SDHD: variants seen among roughly 807,000 people sequenced by gnomAD.
The protein encoded by SDHD is succinate dehydrogenase [ubiquinone] cytochrome b small subunit, mitochondrial.
Under a neutral mutation model 18.7 loss-of-function variants are expected in SDHD, and 6 were observed. The ratio of observed to expected loss-of-function variants is 0.32; its 90% CI spans 0.18 to 0.63. The LOEUF (loss-of-function observed/expected upper bound fraction) is 0.63, where lower values mean the gene tolerates loss of function less well. SDHD is among the 30% of genes least tolerant of loss of function. SDHD has a pLI of 0.79. For missense variants in SDHD, 160 were observed against 192.7 expected (o/e 0.83, Z 1.00); for synonymous variants, 56 against 73.9 (o/e 0.76, Z 1.24).
chr11:112,092,832 A>G (rs1177210951), intron 3 of SDHD, among the ~76,000 whole-genome samples: 1 of 152,172 alleles, frequency 6.6e-6, no homozygotes, highest in Non-Finnish European at 1.5e-5. Flanking sequence ...TCATAGCAGC[A>G]TTATTTATAA....
intron 2 of SDHD, chr11:112,088,376 T>G: frequency 2.9e-6 from 1 of 341,764 alleles, no homozygotes; most frequent in Non-Finnish European, 5.7e-6. Flanking sequence ...AGTTTTGTAC[T>G]TTTAGTAGAG....
Position 112,094,773 on chromosome 11 carries a change from T to C in SDHD, c.315-32T>C, listed in dbSNP as rs4151637. The C allele has an allele frequency of 0.028, 44,068 of 1,598,104 alleles. 5,014 individuals are homozygous for C. In the African/African-American group the frequency reaches 0.35, roughly 13 times the overall value. ...GTCTTCTAATTTCACTGTGGTTTTT[T>C]ATTGATGTTATGATTTTTTCTTTTT... is the stretch of plus-strand genomic sequence containing the variant. On this transcript the variant is annotated intron_variant, in intron 3 of 3. Coordinates refer to ENST00000375549, the MANE Select transcript of SDHD (RefSeq NM_003002.4).
intron 3 of SDHD, among the ~76,000 whole-genome samples, chr11:112,092,382 G>A (rs974268120): frequency 2.0e-5 from 3 of 152,156 alleles, no homozygotes; most frequent in African/African-American, 7.2e-5. Flanking sequence ...CTTCTAACTA[G>A]TTTCCTCTTC....
At chr11:112,090,315 TG>T (rs1276953824) in intron 3 of SDHD, among the ~76,000 whole-genome samples, 1 of 143,806 alleles carries the variant, frequency 7.0e-6, no homozygotes, top group Non-Finnish European at 1.6e-5. Flanking sequence ...TTCGCCATTT[TG>T]GCCAGGCTGG....
chr11:112,089,549 C>T (rs185891689), intron 3 of SDHD, among the ~76,000 whole-genome samples: 2 of 152,314 alleles, frequency 1.3e-5, no homozygotes, highest in African/African-American at 4.8e-5. Context: ...GATTGAACCA[C>T]CCTGTTTCTT....
rs878854592 is a variant in SDHD, at chr11:112,094,808, C to T, written c.318C>T (p.Gly106=). The change falls in exon 4 of 4, where the codon GGC becomes GGT. Residue 106 remains glycine, a synonymous_variant. Coordinates refer to ENST00000375549, the MANE Select transcript of SDHD (RefSeq NM_003002.4). The part of the protein sequence containing the change: ...AAALTLHGHW[G]LGQVVTDYVH... ...ATGATTTTTTCTTTTTCTTTAGGGG[C>T]CTTGGACAAGTTGTTACTGACTATG... is the stretch of plus-strand genomic sequence containing the variant. 3 of 1,611,622 alleles carry T rather than the reference C, an allele frequency of 1.9e-6. No individual in the cohort carries two copies. The highest frequency in any genetic ancestry group is 2.5e-6 in the Non-Finnish European group (3 of 1,179,592).
At chr11:112,088,774 T>C in intron 2 of SDHD, 93 bp from the exon 3 acceptor site, 1 of 1,350,790 alleles carries the variant, frequency 7.4e-7, no homozygotes. Context: ...ATATGTACAC[T>C]GCCTGTCAGT....
chr11:112,090,407 G>A (rs929342711), intron 3 of SDHD, among the ~76,000 whole-genome samples: 2 of 152,102 alleles, frequency 1.3e-5, no homozygotes, highest in African/African-American at 4.8e-5. Flanking sequence ...CACCATGTCC[G>A]GCCCAGCTTT....
At chr11:112,092,196 A>G (rs1865756835) in intron 3 of SDHD, among the ~76,000 whole-genome samples, 1 of 152,110 alleles carries the variant, frequency 6.6e-6, no homozygotes, top group Non-Finnish European at 1.5e-5. Context: ...TGGCACATGT[A>G]TACCTGTGTA....
intron 3 of SDHD, among the ~76,000 whole-genome samples, chr11:112,091,683 G>T (rs948919634): frequency 5.9e-5 from 9 of 151,518 alleles, no homozygotes; most frequent in African/African-American, 2.2e-4. Context: ...CCTTCTCAAA[G>T]CTATGCTCAA....
At chr11:112,093,169 C>T (rs780142529) in intron 3 of SDHD, 9 of 376,992 alleles carry the variant, frequency 2.4e-5, no homozygotes, top group Non-Finnish European at 4.8e-5. Flanking sequence ...CGGGTTCAAG[C>T]GATTCTCCTG....
chr11:112,089,021 G>C lies in SDHD; in HGVS notation c.314+10G>C. 1 of 1,614,080 alleles carries C rather than the reference G, an allele frequency of 6.2e-7. No individual in the cohort carries two copies. ...CTCTTCATGGTCACTGGCAAGTATA[G>C]CAATTCCAAATATAGTTGTCTGCTC... On this transcript the variant is annotated intron_variant, in intron 3 of 3. Coordinates refer to ENST00000375549, the MANE Select transcript of SDHD (RefSeq NM_003002.4).
intron 3 of SDHD, among the ~76,000 whole-genome samples, chr11:112,089,689 A>C (rs1296289311): frequency 1.3e-5 from 2 of 152,158 alleles, no homozygotes; most frequent in East Asian, 3.9e-4. Flanking sequence ...CTAGCTATAC[A>C]CTTGGCTTGT....
chr11:112,090,885 G>A (rs1039703976), intron 3 of SDHD, among the ~76,000 whole-genome samples: 1 of 151,950 alleles, frequency 6.6e-6, no homozygotes, highest in Non-Finnish European at 1.5e-5. Context: ...AAATCGAGAC[G>A]GGGTTTCACC....
chr11:112,090,118 T>A (rs1865716599), intron 3 of SDHD, among the ~76,000 whole-genome samples: 1 of 152,156 alleles, frequency 6.6e-6, no homozygotes, highest in Non-Finnish European at 1.5e-5. Flanking sequence ...TTTGTTTGTT[T>A]ATTTTTTGAG....
intron 3 of SDHD, among the ~76,000 whole-genome samples, chr11:112,089,575 G>GCT (rs1026450829): frequency 2.0e-5 from 3 of 152,024 alleles, no homozygotes; most frequent in Non-Finnish European, 2.9e-5. Context: ...ATTTTTAGCT[G>GCT]CTCTCTCTCT....
In SDHD at chr11:112,088,980, C is replaced by G. The variant is rs1865691704; in HGVS notation, c.283C>G (p.Leu95Val). 1.2e-6 allele frequency: 2 copies of G among 1,614,220 alleles called. No homozygotes were observed. Among genetic ancestry groups the G allele is most frequent in the South Asian group, 1.1e-5 (1 of 91,086 alleles). The change falls in exon 3 of 4, where the codon CTG becomes GTG. Residue 95 changes from leucine (L) to valine (V), a missense_variant. Transcript: ENST00000375549. Reference sequence around the variant, plus strand: ...TCCTTGCTCTGCGATGGACTATTCCCTGGCTGCAGCCCTCACTCTTCATGG... The same window carrying G: ...TCCTTGCTCTGCGATGGACTATTCCGTGGCTGCAGCCCTCACTCTTCATGG... ...LNPCSAMDYS[L>V]AAALTLHGHW...
Position 112,088,838 on chromosome 11 carries a change from A to G in SDHD, c.170-29A>G, listed in dbSNP as rs9919624. The G allele has an allele frequency of 0.028, 44,357 of 1,611,516 alleles. 5,040 individuals carry two copies. In the African/African-American group the frequency reaches 0.35, roughly 13 times the overall value. On this transcript the variant is annotated intron_variant, in intron 2 of 3. Transcript: ENST00000375549. Reference sequence around the variant, plus strand: ...ATGAAAGATGTGTGTTTCTCACATCAACTTTTATGAATCTGGTCCTTTTTG... The same window carrying G: ...ATGAAAGATGTGTGTTTCTCACATCGACTTTTATGAATCTGGTCCTTTTTG...
chr11:112,090,840 C>A lies in SDHD; in HGVS notation c.314+1829C>A, dbSNP rs139275057. On this transcript the variant is annotated intron_variant, in intron 3 of 3. Coordinates refer to ENST00000375549, the MANE Select transcript of SDHD (RefSeq NM_003002.4). ...CCTCCCAAGCAGCTGGGATTACAGG[C>A]ATGCGCCAGCACACCTGGCTCAGTT... is the stretch of plus-strand genomic sequence containing the variant. 1.4e-4 allele frequency among the ~76,000 whole-genome samples: 21 copies of A among 152,098 alleles called. No homozygotes were observed. In the East Asian group the frequency reaches 4.1e-3, roughly 30 times the overall value.
Sources: gnomAD v4.1 joint callset for allele counts (sites outside exome capture counted in the v4.1 genomes callset) on GRCh38, gnomAD v4.1.1 for gene constraint, MANE v1.5 for transcripts, NCBI Gene and HGNC (gene_info 2026-07-23, HGNC 2026-07-21) for gene names.